Variants in PIK3C2A observed in about 807,000 individuals in gnomAD.
PIK3C2A encodes phosphatidylinositol 4-phosphate 3-kinase C2 domain-containing subunit alpha.
PIK3C2A carries 97 observed loss-of-function variants against 204.5 expected under a neutral mutation model. The ratio of observed to expected loss-of-function variants is 0.47; its 90% CI spans 0.40 to 0.56. PIK3C2A has a LOEUF of 0.56. PIK3C2A is among the 20% of genes least tolerant of loss of function. The pLI is 0.00. For missense variants in PIK3C2A, 1,735 were observed against 1,969.2 expected, an observed-to-expected ratio of 0.88 and a Z score of 2.25; for synonymous variants, 653 against 664.4, an observed-to-expected ratio of 0.98 and a Z score of 0.26.
At chr11:17,097,394 T>C in intron 26 of PIK3C2A, 130 bp from the exon 27 acceptor site, 2 of 631,726 alleles carry the variant, frequency 3.2e-6, no homozygotes, top group South Asian at 4.0e-5. Context: ...TGCCAAGGAT[T>C]CCCTTTGTTC....
chr11:17,089,480 A>C lies in PIK3C2A; in HGVS notation c.*258T>G, dbSNP rs3802962. On this transcript the variant is annotated 3_prime_UTR_variant, in exon 33 of 33. Transcript: ENST00000691414. ...CTTTTTCAGGAATTAGTATATATTAAGTTTAGGGTTTGTAGCATTCTACAT... is the reference window on the plus strand; with the variant it reads ...CTTTTTCAGGAATTAGTATATATTACGTTTAGGGTTTGTAGCATTCTACAT... 1.4e-3 allele frequency: 515 copies of C among 360,718 alleles called. 8 individuals carry two copies. In the East Asian group the frequency reaches 0.023, roughly 16 times the overall value. 22.3% of individuals were successfully genotyped at this position (360,718 alleles called of 1,614,324 possible).
chr11:17,147,496 A>G (rs1282986953), intron 6 of PIK3C2A, 21 bp downstream of exon 6: 1 of 1,223,564 alleles, frequency 8.2e-7, no homozygotes, highest in Middle Eastern at 1.9e-4. Context: ...AATGGAATTC[A>G]GTTATGAGGT....
chr11:17,178,814 C>G (rs1412167315), intron 1 of PIK3C2A, among the ~76,000 whole-genome samples: 1 of 148,172 alleles, frequency 6.7e-6, no homozygotes, highest in Admixed American at 6.8e-5. Flanking sequence ...ACTGCAAGCT[C>G]CGCTTCCCGG....
chr11:17,096,071 C>G (rs1466489172), intron 27 of PIK3C2A, among the ~76,000 whole-genome samples: 2 of 150,516 alleles, frequency 1.3e-5, no homozygotes, highest in Non-Finnish European at 3.0e-5. Context: ...CAGCGTCTTG[C>G]TCTGTTGCCC....
intron 6 of PIK3C2A, among the ~76,000 whole-genome samples, chr11:17,146,888 A>G (rs554820614): frequency 1.3e-5 from 2 of 152,292 alleles, no homozygotes; most frequent in Admixed American, 6.5e-5. Context: ...GAAAGCAGAC[A>G]TCACTGATAT....
intron 2 of PIK3C2A, among the ~76,000 whole-genome samples, chr11:17,160,110 T>A (rs1470036175): frequency 1.3e-5 from 2 of 152,188 alleles, no homozygotes; most frequent in African/African-American, 4.8e-5. Flanking sequence ...CTAGTCAAGC[T>A]GAAACATAAA....
intron 2 of PIK3C2A, among the ~76,000 whole-genome samples, chr11:17,162,180 T>G (rs1850795521): frequency 6.6e-6 from 1 of 151,562 alleles, no homozygotes; most frequent in Non-Finnish European, 1.5e-5. Context: ...CTACTAAAAA[T>G]AGAAAAATTT....
intron 1 of PIK3C2A, among the ~76,000 whole-genome samples, chr11:17,202,093 CA>C (rs2137586048): frequency 1.3e-5 from 2 of 150,870 alleles, no homozygotes; most frequent in South Asian, 4.2e-4. Flanking sequence ...CCATCTCTAC[CA>C]AAAATACAAA....
In PIK3C2A at chr11:17,201,535, AAAAAAAAAG is replaced by A. The variant is rs1477506008; in HGVS notation, c.-66+6304_-66+6312del. Among the ~76,000 whole-genome samples, 116 of 111,802 alleles carry A rather than the reference AAAAAAAAAG, an allele frequency of 1.0e-3. 1 individual carries two copies. Among genetic ancestry groups the A allele is most frequent in the East Asian group, 9.5e-3 (42 of 4,410 alleles). 73.3% of individuals were successfully genotyped at this position (111,802 alleles called of 152,430 possible). Reference sequence around the variant, plus strand: ...AACGTGACTCCGTCTCAAAAAAAAAAAAAAAAAAGAAAAAAGAAAAAAAAAAAGAAAAGC... The same window carrying A: ...AACGTGACTCCGTCTCAAAAAAAAAAAAAAAAGAAAAAAAAAAAGAAAAGC... On this transcript the variant is annotated intron_variant, in intron 1 of 32. Transcript: ENST00000691414.
chr11:17,170,327 G>A (rs1173644378), intron 1 of PIK3C2A, among the ~76,000 whole-genome samples: 1 of 152,126 alleles, frequency 6.6e-6, no homozygotes, highest in Non-Finnish European at 1.5e-5. Flanking sequence ...AATACTATGT[G>A]CAAAACTGAT....
At chr11:17,172,478 G>C (rs1851209358) in intron 1 of PIK3C2A, among the ~76,000 whole-genome samples, 2 of 152,196 alleles carry the variant, frequency 1.3e-5, no homozygotes, top group African/African-American at 2.4e-5. Flanking sequence ...CTGAAGGTGA[G>C]ACCAGCAGAA....
chr11:17,183,979 G>A (rs1851658105), intron 1 of PIK3C2A, among the ~76,000 whole-genome samples: 1 of 151,344 alleles, frequency 6.6e-6, no homozygotes, highest in Non-Finnish European at 1.5e-5. Context: ...GGTGGCACAT[G>A]CCTGCAATTC....
At chr11:17,139,566 G>A (rs1264789614) in intron 8 of PIK3C2A, among the ~76,000 whole-genome samples, 1 of 152,102 alleles carries the variant, frequency 6.6e-6, no homozygotes, top group African/African-American at 2.4e-5. Flanking sequence ...TCCGTCTCCT[G>A]GCTGGCCCAC....
chr11:17,196,623 G>A (rs1003605406), intron 1 of PIK3C2A, among the ~76,000 whole-genome samples: 2 of 152,096 alleles, frequency 1.3e-5, no homozygotes, highest in Non-Finnish European at 2.9e-5. Flanking sequence ...AGCCTGGAGT[G>A]CAGTGGCTCG....
intron 19 of PIK3C2A, among the ~76,000 whole-genome samples, chr11:17,116,122 T>G (rs1408679121): frequency 6.6e-6 from 1 of 151,976 alleles, no homozygotes; most frequent in Non-Finnish European, 1.5e-5. Flanking sequence ...AACTGCAGAA[T>G]GAAAAAAATA....
intron 13 of PIK3C2A, among the ~76,000 whole-genome samples, chr11:17,126,105 C>CA (rs1849512896): frequency 6.6e-6 from 1 of 152,096 alleles, no homozygotes; most frequent in Non-Finnish European, 1.5e-5. Flanking sequence ...ACCTGAGTGA[C>CA]AGAGTGAGAC....
chr11:17,127,776 C>T (rs922051547), intron 13 of PIK3C2A, among the ~76,000 whole-genome samples: 8 of 151,974 alleles, frequency 5.3e-5, no homozygotes, highest in Non-Finnish European at 8.8e-5. Context: ...TTTTCATTCT[C>T]GGTATTTGTT....
chr11:17,106,533 C>T (rs922498659), intron 22 of PIK3C2A, among the ~76,000 whole-genome samples: 1 of 152,200 alleles, frequency 6.6e-6, no homozygotes, highest in African/African-American at 2.4e-5. Context: ...TCTGTACATC[C>T]ATGTACTAAT....
intron 2 of PIK3C2A, among the ~76,000 whole-genome samples, chr11:17,162,934 C>A (rs1198433086): frequency 6.6e-6 from 1 of 152,172 alleles, no homozygotes; most frequent in East Asian, 1.9e-4. Context: ...GGTTCTTGTT[C>A]TACTTTTTAG....
Sources: allele counts gnomAD v4.1 joint callset (sites outside exome capture counted in the v4.1 genomes callset), GRCh38; gene constraint gnomAD v4.1.1; transcripts MANE v1.5; gene names NCBI Gene and HGNC (gene_info 2026-07-23, HGNC 2026-07-21).